CFDP1: variants seen among roughly 807,000 people sequenced by gnomAD.
CFDP1 encodes chromatin remodeling protein CFDP1.
A neutral mutation model predicts 40.1 loss-of-function variants in CFDP1; 31 were observed. The observed-to-expected ratio is 0.77, with a 90% confidence interval of 0.58 to 1.04. The LOEUF is 1.04. CFDP1 is among the 50% of genes least tolerant of loss of function. CFDP1 has a pLI of 0.00. For synonymous variants in CFDP1, 167 were observed against 120.0 expected (o/e 1.39, Z -2.56); for missense variants, 423 against 343.4 (o/e 1.23, Z -1.83).
intron 1 of CFDP1, among the ~76,000 whole-genome samples, chr16:75,425,197 C>T (rs1416184038): frequency 6.6e-6 from 1 of 151,970 alleles, no homozygotes; most frequent in African/African-American, 2.4e-5. Flanking sequence ...AAGTAGGATA[C>T]TTTTTCGAGA....
chr16:75,358,391 T>G (rs1295751870), intron 5 of CFDP1, among the ~76,000 whole-genome samples: 1 of 152,158 alleles, frequency 6.6e-6, no homozygotes, highest in East Asian at 1.9e-4. Context: ...CTTCAGATAT[T>G]CAATACAACA....
intron 4 of CFDP1, among the ~76,000 whole-genome samples, chr16:75,402,542 G>C (rs767627832): frequency 6.6e-6 from 1 of 152,156 alleles, no homozygotes; most frequent in South Asian, 2.1e-4. Context: ...TTAAAATACA[G>C]TTAGAAAACT....
chr16:75,324,742 T>TTA (rs2078391094), intron 5 of CFDP1: 1 of 137,612 alleles, frequency 7.3e-6, no homozygotes, highest in African/African-American at 2.7e-5. Flanking sequence ...GACTTTGTCT[T>TTA]AAAAAAAAAA....
intron 5 of CFDP1, among the ~76,000 whole-genome samples, chr16:75,344,597 G>A (rs1401010950): frequency 6.6e-6 from 1 of 152,140 alleles, no homozygotes; most frequent in Non-Finnish European, 1.5e-5. Flanking sequence ...TTCAGAAAGG[G>A]ACTAATAACC....
At chr16:75,332,424 C>T (rs936898787) in intron 5 of CFDP1, among the ~76,000 whole-genome samples, 6 of 151,936 alleles carry the variant, frequency 3.9e-5, no homozygotes, top group African/African-American at 1.5e-4. Flanking sequence ...GAGATTGTGC[C>T]ACTGCACTCC....
intron 5 of CFDP1, among the ~76,000 whole-genome samples, chr16:75,315,195 T>C (rs1163965573): frequency 6.6e-6 from 1 of 151,894 alleles, no homozygotes; most frequent in Non-Finnish European, 1.5e-5. Context: ...TTGCCGGGTG[T>C]GACGGTGTGT....
intron 5 of CFDP1, among the ~76,000 whole-genome samples, chr16:75,305,915 G>A (rs2078253667): frequency 6.6e-6 from 1 of 152,196 alleles, no homozygotes; most frequent in Admixed American, 6.5e-5. Flanking sequence ...CCACTTGCTG[G>A]TGATGCTATC....
chr16:75,341,648 G>C lies in CFDP1; in HGVS notation c.651-36466C>G, dbSNP rs182697036. On this transcript the variant is annotated intron_variant, in intron 5 of 6. Transcript: ENST00000283882. Reference sequence around the variant, plus strand: ...TCTTTGACAGCAGAAGGTTTCAGCAGAGTGTAGAAAGGAAAAAAAAAAAAG... The same window carrying C: ...TCTTTGACAGCAGAAGGTTTCAGCACAGTGTAGAAAGGAAAAAAAAAAAAG... Among the ~76,000 whole-genome samples the C allele has an allele frequency of 5.9e-5, 9 of 151,314 alleles. 1 individual carries two copies. The East Asian group carries it at 1.7e-3, about 29-fold the overall frequency.
intron 5 of CFDP1, among the ~76,000 whole-genome samples, chr16:75,394,235 C>T (rs1031202676): frequency 2.6e-5 from 4 of 152,308 alleles, no homozygotes; most frequent in Non-Finnish European, 4.4e-5. Flanking sequence ...GGTCTATGTT[C>T]ACTTCCCTGT....
chr16:75,393,468 G>A (rs2078969134), intron 5 of CFDP1, among the ~76,000 whole-genome samples: 1 of 152,044 alleles, frequency 6.6e-6, no homozygotes, highest in African/African-American at 2.4e-5. Flanking sequence ...ACTTTTTTAG[G>A]AAAATCAACA....
intron 5 of CFDP1, among the ~76,000 whole-genome samples, chr16:75,376,380 G>GGT (rs1323163528): frequency 1.3e-5 from 2 of 152,038 alleles, no homozygotes; most frequent in Admixed American, 1.3e-4. Flanking sequence ...GATAAACTGT[G>GGT]GTATATATGA....
intron 5 of CFDP1, among the ~76,000 whole-genome samples, chr16:75,322,961 T>C (rs2078375368): frequency 2.0e-5 from 3 of 152,170 alleles, no homozygotes; most frequent in South Asian, 2.1e-4. Flanking sequence ...GCCAAGGACA[T>C]TACTGCACAC....
At chr16:75,408,711 G>A (rs1293420931) in intron 4 of CFDP1, among the ~76,000 whole-genome samples, 1 of 151,676 alleles carries the variant, frequency 6.6e-6, no homozygotes, top group Non-Finnish European at 1.5e-5. Flanking sequence ...GAAGGCGGAG[G>A]TTGCAGAGAG....
At chr16:75,354,002 GA>G (rs958858304) in intron 5 of CFDP1, among the ~76,000 whole-genome samples, 1 of 152,090 alleles carries the variant, frequency 6.6e-6, no homozygotes, top group African/African-American at 2.4e-5. Flanking sequence ...ATCATGGTGT[GA>G]AAGTGATATG....
At chr16:75,299,225 G>A (rs779565736) in intron 6 of CFDP1, among the ~76,000 whole-genome samples, 29 of 152,178 alleles carry the variant, frequency 1.9e-4, no homozygotes, top group Non-Finnish European at 2.8e-4. Context: ...CAACTCTGCT[G>A]ACTGAAATGA....
chr16:75,432,992 G>C (rs1228286217), intron 1 of CFDP1, among the ~76,000 whole-genome samples: 3 of 152,212 alleles, frequency 2.0e-5, no homozygotes, highest in African/African-American at 7.2e-5. Flanking sequence ...GGTGTCGTTC[G>C]GGGCTGACCG....
chr16:75,359,907 G>A (rs1475494389), intron 5 of CFDP1, among the ~76,000 whole-genome samples: 4 of 152,074 alleles, frequency 2.6e-5, no homozygotes, highest in African/African-American at 9.7e-5. Flanking sequence ...CATTGCTAAT[G>A]GCTACTCTCC....
chr16:75,411,039 C>T (rs1362671610), intron 4 of CFDP1, among the ~76,000 whole-genome samples: 3 of 151,436 alleles, frequency 2.0e-5, no homozygotes, highest in East Asian at 2.0e-4. Flanking sequence ...GCCAACATGG[C>T]GAAACCCCAT....
chr16:75,404,878 G>C (rs1181416403), intron 4 of CFDP1, among the ~76,000 whole-genome samples: 1 of 152,184 alleles, frequency 6.6e-6, no homozygotes, highest in Admixed American at 6.5e-5. Context: ...ACAACGGATA[G>C]CGCGCTGGAC....
Sources: allele counts gnomAD v4.1 joint callset (sites outside exome capture counted in the v4.1 genomes callset), GRCh38; gene constraint gnomAD v4.1.1; transcripts MANE v1.5; gene names NCBI Gene and HGNC (gene_info 2026-07-23, HGNC 2026-07-21).